The following CPLANE1 variants were observed in gnomAD, a reference collection of about 807,000 sequenced individuals.
CPLANE1 encodes the protein ciliogenesis and planar polarity effector complex subunit 1.
Under a neutral mutation model 362.5 loss-of-function variants are expected in CPLANE1, and 263 were observed. The ratio of observed to expected loss-of-function variants is 0.73; its 90% CI spans 0.66 to 0.80. The LOEUF (loss-of-function observed/expected upper bound fraction) is 0.80, where lower values mean the gene tolerates loss of function less well. Among genes scored for constraint, CPLANE1 ranks in the 30% least tolerant of loss-of-function variants. The probability of loss-of-function intolerance (pLI) is 0.00; values close to 1 mark genes in which losing one functional copy is unlikely to be tolerated. For missense variants in CPLANE1, 3,461 were observed against 3,793.4 expected (o/e 0.91, Z 2.30); for synonymous variants, 1,212 against 1,302.6 (o/e 0.93, Z 1.50).
In CPLANE1 at chr5:37,106,320, C is replaced by G. The variant is rs1005556149; in HGVS notation, c.*1282G>C. 1.3e-5 allele frequency: 2 copies of G among 153,664 alleles called. No individual in the cohort carries two copies. The highest frequency in any genetic ancestry group is 3.9e-4 in the East Asian group (2 of 5,190). 9.5% of individuals were successfully genotyped at this position (153,664 alleles called of 1,614,324 possible). A position where few individuals can be genotyped will look rare whatever the true frequency, so the allele number is the denominator to read the frequency against. On this transcript the variant is annotated 3_prime_UTR_variant, in exon 53 of 53. Coordinates refer to ENST00000651892, the MANE Select transcript of CPLANE1 (RefSeq NM_001384732.1). The stretch of plus-strand genomic sequence containing the variant: ...TAAGTATCCAACAATGGATAAATAG[C>G]TAGAAGAAAAGGTTTGAATGTTTCC...
In CPLANE1 at chr5:37,244,323, T is replaced by C. The variant is rs1053059983; in HGVS notation, c.570+52A>G. On this transcript the variant is annotated intron_variant, in intron 5 of 52. Coordinates refer to ENST00000651892, the MANE Select transcript of CPLANE1 (RefSeq NM_001384732.1). Reference sequence around the variant, plus strand: ...TGACTAAAGATATATAGTTATACCATTACACACTCTGCTAATCTGCTTCAC... The same window carrying C: ...TGACTAAAGATATATAGTTATACCACTACACACTCTGCTAATCTGCTTCAC... 5 of 1,233,712 alleles carry C rather than the reference T, an allele frequency of 4.1e-6. No individual in the cohort carries two copies. In the African/African-American group the frequency reaches 7.6e-5, roughly 19 times the overall value. 76.4% of individuals were successfully genotyped at this position (1,233,712 alleles called of 1,614,324 possible). A position where few individuals can be genotyped will look rare whatever the true frequency, so the allele number is the denominator to read the frequency against.
At chr5:37,182,684 G>A in intron 26 of CPLANE1, 76 bp downstream of exon 26, 1 of 877,970 alleles carries the variant, frequency 1.1e-6, no homozygotes, top group South Asian at 1.8e-5. Context: ...TTCTTTAAAA[G>A]ATGGGAAATG....
At chr5:37,140,865 T>C (rs1769503369) in intron 44 of CPLANE1, 2 of 981,412 alleles carry the variant, frequency 2.0e-6, no homozygotes, top group African/African-American at 1.7e-5. Flanking sequence ...CTTTTTTTTT[T>C]TTTCTAGCTC....
chr5:37,125,477 C>G, intron 46 of CPLANE1, 68 bp from the exon 47 acceptor site: 1 of 1,435,138 alleles, frequency 7.0e-7, no homozygotes, highest in Non-Finnish European at 9.6e-7. Flanking sequence ...TATATCATGA[C>G]TAAACACTAT....
At chr5:37,135,165 T>C (rs1460168542) in intron 46 of CPLANE1, among the ~76,000 whole-genome samples, 6 of 152,194 alleles carry the variant, frequency 3.9e-5, no homozygotes, top group African/African-American at 7.2e-5. Context: ...CGTTTTCATT[T>C]ATTTCAAATA....
At chr5:37,095,880 A>G in the CPLANE1 span, among the ~76,000 whole-genome samples, 2 of 151,998 alleles carry the variant, frequency 1.3e-5, no homozygotes, top group Admixed American at 1.3e-4. Flanking sequence ...AGGAGGTGAA[A>G]GACCTCTACA....
intron 7 of CPLANE1, 134 bp downstream of exon 7, chr5:37,239,578 GT>G (rs1269232400): frequency 3.6e-4 from 160 of 440,740 alleles, no homozygotes; most frequent in Non-Finnish European, 4.8e-4. Context: ...GAGAGACCCT[GT>G]CAAAAAAAAA....
intron 50 of CPLANE1, among the ~76,000 whole-genome samples, chr5:37,116,759 C>A (rs566746638): frequency 1.3e-5 from 2 of 152,272 alleles, no homozygotes; most frequent in Admixed American, 1.3e-4. Flanking sequence ...TACGAATGAA[C>A]TACAGTGAAT....
intron 51 of CPLANE1, among the ~76,000 whole-genome samples, chr5:37,112,619 A>G (rs1759675890): frequency 1.3e-5 from 2 of 152,254 alleles, no homozygotes; most frequent in African/African-American, 2.4e-5. Context: ...TCTTTATAAC[A>G]TAACACCAAA....
chr5:37,115,652 A>G (rs1484681533), intron 50 of CPLANE1, among the ~76,000 whole-genome samples: 1 of 145,096 alleles, frequency 6.9e-6, no homozygotes, highest in Non-Finnish European at 1.5e-5. Flanking sequence ...GCTGCAGTAC[A>G]GTGGCGTGAT....
chr5:37,102,276 C>G (rs1336479219), downstream of CPLANE1, among the ~76,000 whole-genome samples: 5 of 152,166 alleles, frequency 3.3e-5, no homozygotes, highest in Admixed American at 1.3e-4. Context: ...CACCCTCCAT[C>G]TCGCAGGTTC....
At chr5:37,114,832 G>A in intron 51 of CPLANE1, 128 bp downstream of exon 51, 1 of 587,458 alleles carries the variant, frequency 1.7e-6, no homozygotes, top group East Asian at 2.9e-5. Flanking sequence ...CCCGGGAGTG[G>A]AGGTTACAGT....
the CPLANE1 span, among the ~76,000 whole-genome samples, chr5:37,091,515 A>G: frequency 3.1e-4 from 47 of 152,314 alleles, no homozygotes; most frequent in African/African-American, 1.1e-3. Flanking sequence ...CCTTAAAAAT[A>G]TGCCCAGAAA....
At chr5:37,195,151 T>A (rs1580627506) in intron 21 of CPLANE1, among the ~76,000 whole-genome samples, 1 of 131,666 alleles carries the variant, frequency 7.6e-6, no homozygotes, top group Admixed American at 7.9e-5. Context: ...CAAGACTCCA[T>A]CTCAAAAAAA....
At position 37,106,995 on chromosome 5, in the gene CPLANE1, T is replaced by C. The variant is rs1757744428; in HGVS notation, c.*607A>G. On this transcript the variant is annotated 3_prime_UTR_variant, in exon 53 of 53. Transcript: ENST00000651892. ...TTCCCTTACTTTCCTGCCCAAAGCATCCATTCCTGTTTCTTCCTCCAAGGC... is the reference window on the plus strand; with the variant it reads ...TTCCCTTACTTTCCTGCCCAAAGCACCCATTCCTGTTTCTTCCTCCAAGGC... The C allele has an allele frequency of 2.0e-6, 2 of 985,298 alleles. No individual in the cohort carries two copies. Among genetic ancestry groups the C allele is most frequent in the Non-Finnish European group, 2.4e-6 (2 of 829,944 alleles). 61.0% of individuals were successfully genotyped at this position (985,298 alleles called of 1,614,324 possible). A position where few individuals can be genotyped will look rare whatever the true frequency, so the allele number is the denominator to read the frequency against.
rs1216496337 is a variant in CPLANE1, at chr5:37,125,370, G to A, written c.8832C>T (p.Asp2944=). Reference sequence around the variant, plus strand: ...AGGCTTGAATCTCTCTTCTTTCCTTGTCAGTTCTTTGTGAATGTCTGCCAG... The same window carrying A: ...AGGCTTGAATCTCTCTTCTTTCCTTATCAGTTCTTTGTGAATGTCTGCCAG... ...HYSGRHSQRT[D]KERREIQAWM... The change falls in exon 47 of 53, where the codon GAC becomes GAT. Residue 2944 remains aspartate, a synonymous_variant. Transcript: ENST00000651892. 6.2e-7 allele frequency: 1 copy of A among 1,612,984 alleles called. No homozygotes were observed. The highest frequency in any genetic ancestry group is 1.3e-5 in the African/African-American group (1 of 74,768).
At chr5:37,216,039 G>T (rs554466799) in intron 15 of CPLANE1, among the ~76,000 whole-genome samples, 2 of 152,072 alleles carry the variant, frequency 1.3e-5, no homozygotes, top group East Asian at 1.9e-4. Flanking sequence ...GTTTCGCCAT[G>T]TTGGACAGGC....
chr5:37,109,514 A>G (rs1758504428), intron 51 of CPLANE1, among the ~76,000 whole-genome samples: 1 of 152,170 alleles, frequency 6.6e-6, no homozygotes, highest in Non-Finnish European at 1.5e-5. Flanking sequence ...CTGTACCTCC[A>G]GTCTCATAAA....
At chr5:37,236,872 A>G (rs538766040) in intron 8 of CPLANE1, among the ~76,000 whole-genome samples, 2 of 152,342 alleles carry the variant, frequency 1.3e-5, no homozygotes, top group East Asian at 3.9e-4. Context: ...ACGAGATAAC[A>G]TACCAGTCAG....
Sources: gnomAD v4.1 joint callset for allele counts (sites outside exome capture counted in the v4.1 genomes callset) on GRCh38, gnomAD v4.1.1 for gene constraint, MANE v1.5 for transcripts, NCBI Gene and HGNC (gene_info 2026-07-23, HGNC 2026-07-21) for gene names.